Variants in ARMC3 observed in about 807,000 individuals in gnomAD.
ARMC3 encodes armadillo repeat containing 3.
In ARMC3, 74 loss-of-function variants were observed where a neutral mutation model predicts 90.3. The ratio of observed to expected loss-of-function variants is 0.82; its 90% CI spans 0.68 to 0.99. The LOEUF is 0.99. Ranked by LOEUF, ARMC3 falls within the 50% of genes least tolerant of loss-of-function variation. The probability of loss-of-function intolerance (pLI) is 0.00; values close to 1 mark genes in which losing one functional copy is unlikely to be tolerated. For missense variants in ARMC3, 958 were observed against 1,042.8 expected (o/e 0.92, Z 1.12); for synonymous variants, 334 against 361.8 (o/e 0.92, Z 0.87).
intron 7 of ARMC3, among the ~76,000 whole-genome samples, chr10:22,966,354 G>A (rs961519847): frequency 3.3e-5 from 5 of 152,188 alleles, no homozygotes; most frequent in Non-Finnish European, 7.3e-5. Context: ...GTATTTAAAA[G>A]CAGTAAATTA....
intron 10 of ARMC3, among the ~76,000 whole-genome samples, chr10:22,997,670 T>C (rs1318347674): frequency 1.3e-5 from 2 of 152,206 alleles, no homozygotes; most frequent in Non-Finnish European, 2.9e-5. Context: ...GGAGTTCCCA[T>C]GCTCACTCAT....
chr10:23,013,514 A>G (rs146599001), intron 16 of ARMC3, among the ~76,000 whole-genome samples: 360 of 152,292 alleles, frequency 2.4e-3, no homozygotes, highest in Middle Eastern at 6.8e-3. Flanking sequence ...ACATTTAAAC[A>G]TGATGTTTTG....
chr10:22,943,214 C>G (rs561609833), intron 2 of ARMC3, among the ~76,000 whole-genome samples: 2 of 152,194 alleles, frequency 1.3e-5, no homozygotes, highest in East Asian at 3.9e-4. Flanking sequence ...AATCTAACAG[C>G]CTTAGTTGGA....
intron 18 of ARMC3, among the ~76,000 whole-genome samples, chr10:23,034,692 G>A (rs7358041): frequency 1.3e-5 from 2 of 152,056 alleles, no homozygotes; most frequent in Non-Finnish European, 2.9e-5. Context: ...CAATAAGGAC[G>A]TTAGTGATCT....
rs767900766 is a variant in ARMC3 at position 22,998,364 on chromosome 10, C to G, written c.1392C>G (p.Thr464=). The stretch of plus-strand genomic sequence containing the variant: ...AGAGCAAAGCTGCTCTCGCTGTCAC[C>G]GCAACTGCGTGTGACGTTGAAGCCC... ...VVQSKAALAV[T]ATACDVEART... is the part of the protein sequence containing the mutation. The change falls in exon 11 of 19, where the codon ACC becomes ACG. Residue 464 remains threonine, a synonymous_variant. Coordinates refer to ENST00000298032, the MANE Select transcript of ARMC3 (RefSeq NM_173081.5). The G allele has an allele frequency of 6.2e-7, 1 of 1,613,956 alleles. No individual in the cohort carries two copies. The highest frequency in any genetic ancestry group is 1.3e-5 in the African/African-American group (1 of 74,942).
At chr10:23,031,259 G>A (rs1838915641) in intron 17 of ARMC3, 1 of 165,726 alleles carries the variant, frequency 6.0e-6, no homozygotes, top group Non-Finnish European at 1.3e-5. Flanking sequence ...TCTAAGTGGG[G>A]TGTGAGCATT....
intron 16 of ARMC3, among the ~76,000 whole-genome samples, chr10:23,016,249 A>G (rs1205844801): frequency 6.6e-6 from 1 of 152,180 alleles, no homozygotes; most frequent in East Asian, 1.9e-4. Flanking sequence ...TTGAAACCCC[A>G]AGAGGGCTGG....
Position 23,002,019 on chromosome 10 carries a change from G to A in ARMC3, c.1526G>A (p.Gly509Asp), listed in dbSNP as rs558055761. Residue 509 changes from glycine (G) to aspartate (D), a missense_variant, in exon 12 of 19, where the codon GGT becomes GAT. Transcript: ENST00000298032. ...AGTTGGGCAGTGATGGTCTGTGCTG[G>A]TGACGAGCTGACGGCCAATGAATTA... ...HASWAVMVCA[G>D]DELTANELCR... The A allele has an allele frequency of 6.2e-7, 1 of 1,613,918 alleles. No individual in the cohort carries two copies. Among genetic ancestry groups the A allele is most frequent in the South Asian group, 1.1e-5 (1 of 91,076 alleles).
Position 23,003,248 on chromosome 10 carries a change from C to T in ARMC3, c.1565C>T (p.Ala522Val), listed in dbSNP as rs1176447997. Residue 522 changes from alanine (A) to valine (V), a missense_variant and splice_region_variant, in exon 13 of 19, where the codon GCT (alanine) becomes GTT (valine). Coordinates refer to ENST00000298032, the MANE Select transcript of ARMC3 (RefSeq NM_173081.5). ...ATGCTTTTTGCTTTTATTGACAGGG[C>T]TTTAGATATCCTTGAAGAAGTTAAC... ...LTANELCRLG[A>V]LDILEEVNVS... The T allele has an allele frequency of 6.2e-7, 1 of 1,610,988 alleles. No individual in the cohort carries two copies. Among genetic ancestry groups the T allele is most frequent in the Admixed American group, 1.7e-5 (1 of 59,576 alleles).
At chr10:23,003,448 T>A in intron 13 of ARMC3, 34 bp downstream of exon 13, 1 of 1,478,262 alleles carries the variant, frequency 6.8e-7, no homozygotes, top group Admixed American at 2.3e-5. Flanking sequence ...GTTTAGTATG[T>A]ACAATAATAA....
intron 6 of ARMC3, 162 bp downstream of exon 6, chr10:22,959,736 T>G: frequency 1.4e-6 from 1 of 713,824 alleles, no homozygotes; most frequent in Non-Finnish European, 2.3e-6. Context: ...GGAAGCTTAA[T>G]GTAGATAATC....
rs528314499 is a variant in ARMC3 at position 23,008,695 on chromosome 10, A to G, written c.1929-120A>G. On this transcript the variant is annotated intron_variant, in intron 15 of 18. Coordinates refer to ENST00000298032, the MANE Select transcript of ARMC3 (RefSeq NM_173081.5). ...ATCATGGGGAAAGGAATCAAGTTAT[A>G]TAATGAAGTAAAAATTGTATAATGA... 1.3e-4 allele frequency: 105 copies of G among 826,070 alleles called. No homozygotes were observed. The African/African-American group carries it at 1.5e-3, about 12-fold the overall frequency. 51.2% of individuals were successfully genotyped at this position (826,070 alleles called of 1,614,324 possible).
At chr10:22,964,750 G>GT (rs796607279) in intron 7 of ARMC3, among the ~76,000 whole-genome samples, 8,583 of 143,200 alleles carry the variant, frequency 0.06, 741 homozygotes, top group African/African-American at 0.2. Flanking sequence ...CCCCCGTAGT[G>GT]TTTTTTTTTT....
At chr10:22,951,723 G>A (rs1834746304) in intron 3 of ARMC3, among the ~76,000 whole-genome samples, 1 of 152,104 alleles carries the variant, frequency 6.6e-6, no homozygotes, top group Non-Finnish European at 1.5e-5. Context: ...TTAAAACACA[G>A]CAAAAGTGCC....
intron 14 of ARMC3, among the ~76,000 whole-genome samples, chr10:23,007,325 T>C (rs1837671039): frequency 6.6e-6 from 1 of 152,148 alleles, no homozygotes; most frequent in Admixed American, 6.5e-5. Context: ...TCCAGGACTA[T>C]GTGCTGGAGT....
chr10:22,986,803 T>A (rs1836470995), intron 10 of ARMC3, among the ~76,000 whole-genome samples: 1 of 152,122 alleles, frequency 6.6e-6, no homozygotes, highest in African/African-American at 2.4e-5. Flanking sequence ...ATACTTCTAA[T>A]TATTATCTAC....
In ARMC3 at chr10:22,937,003, A is replaced by G. The variant is rs567082091; in HGVS notation, c.48+4959A>G. Among the ~76,000 whole-genome samples, 5 of 152,082 alleles carry G rather than the reference A, an allele frequency of 3.3e-5. No homozygotes were observed. In the East Asian group the frequency reaches 9.7e-4, roughly 29 times the overall value. The stretch of plus-strand genomic sequence containing the variant: ...ACTGCAGCCTCCACCTCCCAGCTCA[A>G]CTGATCCTCCCTACTCAGCCTCTTG... On this transcript the variant is annotated intron_variant, in intron 2 of 18. Coordinates refer to ENST00000298032, the MANE Select transcript of ARMC3 (RefSeq NM_173081.5).
chr10:22,941,673 T>G (rs1834334971), intron 2 of ARMC3, among the ~76,000 whole-genome samples: 1 of 152,216 alleles, frequency 6.6e-6, no homozygotes, highest in Admixed American at 6.5e-5. Flanking sequence ...ATAGAACATG[T>G]GCAGATATAG....
chr10:23,006,850 G>C (rs368791640), intron 13 of ARMC3, 34 bp from the exon 14 acceptor site: 1 of 1,589,460 alleles, frequency 6.3e-7, no homozygotes, highest in Non-Finnish European at 8.6e-7. Context: ...GACCCCTGCA[G>C]ATACTACTTT....
Sources: gnomAD v4.1 joint callset for allele counts (sites outside exome capture counted in the v4.1 genomes callset) on GRCh38, gnomAD v4.1.1 for gene constraint, MANE v1.5 for transcripts, NCBI Gene and HGNC (gene_info 2026-07-23, HGNC 2026-07-21) for gene names.